Variants in HYAL4 observed in about 807,000 individuals in gnomAD.
HYAL4 encodes hyaluronidase 4, also known as hyaluronidase-4.
HYAL4 carries 37 observed loss-of-function variants against 35.2 expected under a neutral mutation model. The observed-to-expected ratio is 1.05, with a 90% CI of 0.81 to 1.38. The LOEUF is 1.38. HYAL4 is among the 40% of genes most tolerant of loss of function. The pLI, the probability that HYAL4 is intolerant of heterozygous loss-of-function variation, is 0.00. For missense variants in HYAL4, 572 were observed against 572.4 expected, an observed-to-expected ratio of 1.00 and a Z score of 0.01; for synonymous variants, 198 against 203.2, an observed-to-expected ratio of 0.97 and a Z score of 0.22.
chr7:123,808,486 C>T, the HYAL4 span, among the ~76,000 whole-genome samples: 1 of 150,602 alleles, frequency 6.6e-6, no homozygotes, highest in African/African-American at 2.5e-5. Context: ...TAGACCATCT[C>T]AGTAGGTTCA....
At chr7:123,803,083 T>A in the HYAL4 span, among the ~76,000 whole-genome samples, 1 of 152,136 alleles carries the variant, frequency 6.6e-6, no homozygotes. Flanking sequence ...TCTTGAGAAA[T>A]AATCCTCTCT....
chr7:123,877,378 A>G lies in HYAL4; in HGVS notation c.*223A>G, dbSNP rs1584931073. 6.7e-6 allele frequency: 3 copies of G among 449,628 alleles called. No homozygotes were observed. The East Asian group carries it at 9.9e-5, about 15-fold the overall frequency. 27.9% of individuals were successfully genotyped at this position (449,628 alleles called of 1,614,324 possible). A position where few individuals can be genotyped will look rare whatever the true frequency, so the allele number is the denominator to read the frequency against. On this transcript the variant is annotated 3_prime_UTR_variant, in exon 5 of 5. Coordinates refer to ENST00000223026, the MANE Select transcript of HYAL4 (RefSeq NM_012269.3). ...CAATGTACACTTCCTCCTTATTGGA[A>G]TATTTAAGTTGCATTTAAACTAAAA... is the stretch of plus-strand genomic sequence containing the variant.
chr7:123,869,167 G>T lies in HYAL4; in HGVS notation c.894G>T (p.Leu298=). Residue 298 remains leucine, a synonymous_variant, in exon 3 of 5, where the codon CTG becomes CTT. Transcript: ENST00000223026. The part of the protein sequence containing the change: ...ISTMTSHDYA[L]PVFVYTRLGY... ...CCATGACATCTCATGATTATGCTCTGCCTGTATTTGTCTACACAAGGCTAG... is the reference window on the plus strand; with the variant it reads ...CCATGACATCTCATGATTATGCTCTTCCTGTATTTGTCTACACAAGGCTAG... 6.2e-7 allele frequency: 1 copy of T among 1,614,028 alleles called. No homozygotes were observed. Among genetic ancestry groups the T allele is most frequent in the Non-Finnish European group, 8.5e-7 (1 of 1,180,020 alleles).
At position 123,869,686 on chromosome 7, in the gene HYAL4, G is replaced by GT. The variant is rs113461247; in HGVS notation, c.954+471dup. Among the ~76,000 whole-genome samples the GT allele has an allele frequency of 9.7e-3, 1,361 of 140,866 alleles. 8 individuals are homozygous for GT. Among genetic ancestry groups the GT allele is most frequent in the Non-Finnish European group, 0.014 (860 of 63,392 alleles). The allele number at this position is 140,866 out of a possible 152,430, so 92.4% of individuals were successfully genotyped here. A position where few individuals can be genotyped will look rare whatever the true frequency, so the allele number is the denominator to read the frequency against. On this transcript the variant is annotated intron_variant, in intron 3 of 4. Transcript: ENST00000223026. The stretch of plus-strand genomic sequence containing the variant: ...TAGTGGGTATTTTAATCTTTGTTTT[G>GT]TTTTTTTTTTTTCTTCAAGATGGAG...
intron 2 of HYAL4, among the ~76,000 whole-genome samples, chr7:123,857,541 GCCAGGTACTTCAGTTGGAAATGCAGAAA>G (rs1806469617): frequency 6.6e-6 from 1 of 151,980 alleles, no homozygotes. Context: ...AATGAGATGA[GCCAGGTACTTCAGTTGGAAATGCAGAAA>G]TCACCCTCAT....
chr7:123,808,048 T>C, the HYAL4 span, among the ~76,000 whole-genome samples: 1 of 151,588 alleles, frequency 6.6e-6, no homozygotes, highest in Admixed American at 6.6e-5. Context: ...GTGGTGTGAT[T>C]ACAGGCATGA....
chr7:123,870,747 G>A (rs1312915907), intron 3 of HYAL4, among the ~76,000 whole-genome samples: 2 of 142,846 alleles, frequency 1.4e-5, no homozygotes, highest in Non-Finnish European at 3.0e-5. Flanking sequence ...GCGACAGAGC[G>A]AAACTCCATC....
the HYAL4 span, among the ~76,000 whole-genome samples, chr7:123,768,930 A>G: frequency 6.6e-6 from 1 of 152,162 alleles, no homozygotes; most frequent in Non-Finnish European, 1.5e-5. Context: ...TCCTTTTTGT[A>G]TGCCACAGTC....
intron 2 of HYAL4, among the ~76,000 whole-genome samples, chr7:123,860,039 G>T (rs1427753839): frequency 6.6e-6 from 1 of 152,168 alleles, no homozygotes; most frequent in East Asian, 1.9e-4. Context: ...GGAGGGAAGT[G>T]ATCAGATTAT....
chr7:123,864,546 A>G (rs1450403010), intron 2 of HYAL4, among the ~76,000 whole-genome samples: 2 of 152,132 alleles, frequency 1.3e-5, no homozygotes, highest in Non-Finnish European at 2.9e-5. Context: ...TGCTGGTGAT[A>G]TGGTTAACTG....
the HYAL4 span, among the ~76,000 whole-genome samples, chr7:123,799,673 C>T: frequency 2.0e-5 from 3 of 151,832 alleles, no homozygotes; most frequent in South Asian, 6.3e-4. Context: ...CAACATTTTG[C>T]TAACATTTTT....
chr7:123,767,101 A>C, the HYAL4 span, among the ~76,000 whole-genome samples: 40 of 152,350 alleles, frequency 2.6e-4, no homozygotes, highest in East Asian at 7.1e-3. Flanking sequence ...TATATGTTTA[A>C]AATCATCTTA....
At position 123,877,172 on chromosome 7, in the gene HYAL4, G is replaced by C; in HGVS notation, c.*17G>C. On this transcript the variant is annotated 3_prime_UTR_variant, in exon 5 of 5. Transcript: ENST00000223026. Reference sequence around the variant, plus strand: ...CAGTTGTGAGATAATTGAGTTTAAAGGGAATTGTGTGGCCTCTAGCCTAGT... The same window carrying C: ...CAGTTGTGAGATAATTGAGTTTAAACGGAATTGTGTGGCCTCTAGCCTAGT... The C allele has an allele frequency of 6.2e-7, 1 of 1,604,290 alleles. No individual in the cohort carries two copies. Among genetic ancestry groups the C allele is most frequent in the Non-Finnish European group, 8.5e-7 (1 of 1,173,958 alleles).
At chr7:123,824,158 A>T (rs894153691), upstream of HYAL4, among the ~76,000 whole-genome samples, 1 of 152,144 alleles carries the variant, frequency 6.6e-6, no homozygotes, top group Non-Finnish European at 1.5e-5. Flanking sequence ...TGACTTTTCA[A>T]TTTCTTTATC....
the HYAL4 span, among the ~76,000 whole-genome samples, chr7:123,787,107 C>CAAAAAA: frequency 2.4e-3 from 116 of 47,448 alleles, no homozygotes; most frequent in Non-Finnish European, 4.0e-3. Flanking sequence ...AACTCTGTCT[C>CAAAAAA]AAAAAAAAAA....
At chr7:123,794,348 G>T in the HYAL4 span, among the ~76,000 whole-genome samples, 1 of 152,208 alleles carries the variant, frequency 6.6e-6, no homozygotes, top group Admixed American at 6.5e-5. Flanking sequence ...GTAGAAATTG[G>T]CATAAGTAAC....
At chr7:123,830,377 CA>C (rs1352463828) in intron 1 of HYAL4, among the ~76,000 whole-genome samples, 1 of 152,140 alleles carries the variant, frequency 6.6e-6, no homozygotes, top group Non-Finnish European at 1.5e-5. Flanking sequence ...ATAAATACCA[CA>C]AATCACTTTA....
upstream of HYAL4, among the ~76,000 whole-genome samples, chr7:123,843,461 C>T (rs191764396): frequency 6.6e-6 from 1 of 151,958 alleles, no homozygotes; most frequent in Non-Finnish European, 1.5e-5. Flanking sequence ...CTTGGTGAAT[C>T]TGACAATTAT....
intron 2 of HYAL4, among the ~76,000 whole-genome samples, chr7:123,857,693 C>T (rs139345199): frequency 2.4e-5 from 3 of 124,226 alleles, no homozygotes; most frequent in African/African-American, 5.3e-5. Flanking sequence ...TTCTTTCTTT[C>T]TTTCTTTCTT....
Sources: allele counts gnomAD v4.1 joint callset (sites outside exome capture counted in the v4.1 genomes callset), GRCh38; gene constraint gnomAD v4.1.1; transcripts MANE v1.5; gene names NCBI Gene and HGNC (gene_info 2026-07-23, HGNC 2026-07-21).